Variants in CACNA1B observed in about 807,000 individuals in gnomAD.
CACNA1B encodes the protein voltage-dependent N-type calcium channel subunit alpha-1B.
A neutral mutation model predicts 247.2 loss-of-function variants in CACNA1B; 70 were observed. The observed-to-expected ratio is 0.28, with a 90% CI of 0.23 to 0.35. The LOEUF (loss-of-function observed/expected upper bound fraction) is 0.35. Among genes scored for constraint, CACNA1B ranks in the 10% least tolerant of loss-of-function variants. The pLI is 1.00. For synonymous variants in CACNA1B, 1,231 were observed against 1,294.4 expected, an observed-to-expected ratio of 0.95 and a Z score of 1.05; for missense variants, 2,367 against 3,197.4, an observed-to-expected ratio of 0.74 and a Z score of 6.26.
In CACNA1B at chr9:137,963,184, C is replaced by T. The variant is rs577366671; in HGVS notation, c.1333+5497C>T. Among the ~76,000 whole-genome samples, 3 of 152,274 alleles carry T rather than the reference C, an allele frequency of 2.0e-5. No homozygotes were observed. In the East Asian group the frequency reaches 5.8e-4, roughly 29 times the overall value. The stretch of plus-strand genomic sequence containing the variant: ...TTTGGTGATTTAACGTCTGTTTTGT[C>T]AGAAACTAGGATTGCAACCCCTACT... On this transcript the variant is annotated intron_variant, in intron 10 of 46. Transcript: ENST00000371372.
chr9:138,029,144 A>G (rs570056017), intron 20 of CACNA1B, among the ~76,000 whole-genome samples: 2 of 152,198 alleles, frequency 1.3e-5, no homozygotes, highest in Admixed American at 1.3e-4. Flanking sequence ...GTAATGAAAG[A>G]TATATATGTT....
At chr9:138,044,880 C>G (rs1959169953) in intron 21 of CACNA1B, among the ~76,000 whole-genome samples, 1 of 152,242 alleles carries the variant, frequency 6.6e-6, no homozygotes. Flanking sequence ...GGAGCTTACC[C>G]TGCTACGCTG....
At chr9:138,075,213 T>G (rs1432563422) in intron 34 of CACNA1B, among the ~76,000 whole-genome samples, 1 of 152,232 alleles carries the variant, frequency 6.6e-6, no homozygotes, top group African/African-American at 2.4e-5. Flanking sequence ...TTTGCAGAGA[T>G]CTGATGCTGT....
intron 39 of CACNA1B, among the ~76,000 whole-genome samples, chr9:138,108,308 CAAAAAAAAAA>C (rs935431476): frequency 1.4e-4 from 6 of 44,090 alleles, no homozygotes; most frequent in African/African-American, 4.6e-4. Context: ...AACCCCATCT[CAAAAAAAAAA>C]AAAAAAAAAA....
At chr9:138,038,305 T>G (rs1589084593) in intron 20 of CACNA1B, among the ~76,000 whole-genome samples, 1 of 152,334 alleles carries the variant, frequency 6.6e-6, no homozygotes, top group East Asian at 1.9e-4. Flanking sequence ...TTATCTGGTT[T>G]TCGTCTATGA....
intron 37 of CACNA1B, among the ~76,000 whole-genome samples, chr9:138,099,163 G>A (rs559967142): frequency 6.6e-6 from 1 of 152,372 alleles, no homozygotes; most frequent in South Asian, 2.1e-4. Context: ...GTACATGGCT[G>A]TGTTGTGTGC....
At chr9:137,961,675 A>C (rs1958022529) in intron 10 of CACNA1B, among the ~76,000 whole-genome samples, 1 of 152,108 alleles carries the variant, frequency 6.6e-6, no homozygotes, top group African/African-American at 2.4e-5. Context: ...ACATTTATTG[A>C]TTTGGGTATG....
chr9:137,941,777 C>T (rs569736385), intron 6 of CACNA1B, among the ~76,000 whole-genome samples: 1 of 152,296 alleles, frequency 6.6e-6, no homozygotes, highest in South Asian at 2.1e-4. Context: ...TGGCAAGCCA[C>T]ATGTAGGAGA....
At position 137,986,389 on chromosome 9, in the gene CACNA1B, C is replaced by T. The variant is rs1274002385; in HGVS notation, c.1770-24C>T. ...GTGAAGTCAGCGTCTGGAGCTGGCT[C>T]AGACCCCCTGCCTGGCCCCGCAGGT... On this transcript the variant is annotated intron_variant, in intron 13 of 46. Coordinates refer to ENST00000371372, the MANE Select transcript of CACNA1B (RefSeq NM_000718.4). The surrounding 1 kb of genome is among the most constrained non-coding windows in gnomAD (Gnocchi z 6.0). 6.2e-7 allele frequency: 1 copy of T among 1,612,516 alleles called. No homozygotes were observed. Among genetic ancestry groups the T allele is most frequent in the Non-Finnish European group, 8.5e-7 (1 of 1,179,342 alleles).
intron 40 of CACNA1B, among the ~76,000 whole-genome samples, chr9:138,113,665 T>C (rs1961744491): frequency 7.9e-6 from 1 of 127,358 alleles, no homozygotes; most frequent in Non-Finnish European, 1.7e-5. Context: ...CAACTCCTCC[T>C]TGTGGGAGAC....
At position 137,899,403 on chromosome 9, in the gene CACNA1B, C is replaced by G. The variant is rs571987532; in HGVS notation, c.531-13777C>G. 6.6e-6 allele frequency among the ~76,000 whole-genome samples: 1 copy of G among 152,264 alleles called. No individual in the cohort carries two copies. The highest frequency in any genetic ancestry group is 2.1e-4 in the South Asian group (1 of 4,828). The stretch of plus-strand genomic sequence containing the variant: ...TCTTAACCTCAGTTTCCTTCTCTTA[C>G]AAAGAACTGTGTAGTCTGCCAACTC... On this transcript the variant is annotated intron_variant, in intron 3 of 46. Coordinates refer to ENST00000371372, the MANE Select transcript of CACNA1B (RefSeq NM_000718.4). The surrounding 1 kb of genome is among the most constrained non-coding windows in gnomAD (Gnocchi z 5.0).
chr9:137,942,447 C>T (rs1957744040), intron 6 of CACNA1B, among the ~76,000 whole-genome samples: 1 of 152,174 alleles, frequency 6.6e-6, no homozygotes, highest in African/African-American at 2.4e-5. Context: ...GTAAAACTAC[C>T]ATTTGATCCA....
At chr9:138,104,461 C>G (rs1016193638) in intron 38 of CACNA1B, among the ~76,000 whole-genome samples, 2 of 152,264 alleles carry the variant, frequency 1.3e-5, no homozygotes, top group Non-Finnish European at 2.9e-5. Flanking sequence ...GGATGCCATT[C>G]TCCGGGAAGC....
rs191917468 is a variant in CACNA1B, at chr9:138,002,180, G to T, written c.1975-4587G>T. Among the ~76,000 whole-genome samples the T allele has an allele frequency of 5.3e-5, 8 of 152,224 alleles. No individual in the cohort carries two copies. The East Asian group carries it at 1.5e-3, about 29-fold the overall frequency. On this transcript the variant is annotated intron_variant, in intron 15 of 46. Coordinates refer to ENST00000371372, the MANE Select transcript of CACNA1B (RefSeq NM_000718.4). Reference sequence around the variant, plus strand: ...TATATGTAAAAATGAAATATCAAAAGAACAGACCAGAGAACCTGGAAACAT... The same window carrying T: ...TATATGTAAAAATGAAATATCAAAATAACAGACCAGAGAACCTGGAAACAT...
At chr9:137,927,397 A>G (rs1957563856) in intron 6 of CACNA1B, among the ~76,000 whole-genome samples, 1 of 151,862 alleles carries the variant, frequency 6.6e-6, no homozygotes, top group Non-Finnish European at 1.5e-5. Flanking sequence ...TAATTTTTGT[A>G]TTTTTAGTAG....
rs1201366146 is a variant in CACNA1B at position 138,059,669 on chromosome 9, G to T, written c.4600G>T (p.Ala1534Ser). 15 of 1,603,304 alleles carry T rather than the reference G, an allele frequency of 9.4e-6. No individual in the cohort carries two copies. Among genetic ancestry groups the T allele is most frequent in the Non-Finnish European group, 1.3e-5 (15 of 1,170,228 alleles). ...TTTTCTCTAGAACTATTTCAGAGATGCCTGGAATGTCTTTGACTTTGTCAC... is the reference window on the plus strand; with the variant it reads ...TTTTCTCTAGAACTATTTCAGAGATTCCTGGAATGTCTTTGACTTTGTCAC... ...AFGVLNYFRDAWNVFDFVTVL... is the reference protein window; with the variant it reads ...AFGVLNYFRDSWNVFDFVTVL... Residue 1534 changes from alanine (A) to serine (S), a missense_variant, in exon 31 of 47, where the codon GCC (alanine) becomes TCC (serine). Around this residue, in one of 12 missense-constraint regions of CACNA1B, gnomAD observed 436 missense variants for 679.5 expected, o/e 0.64. Transcript: ENST00000371372. The surrounding 1 kb of genome is among the most constrained non-coding windows in gnomAD (Gnocchi z 4.2).
chr9:137,951,106 G>A (rs1233548188), intron 6 of CACNA1B, among the ~76,000 whole-genome samples: 1 of 152,204 alleles, frequency 6.6e-6, no homozygotes, highest in Non-Finnish European at 1.5e-5. Context: ...GTGGGAAGTT[G>A]GTGGCTTTGG....
chr9:138,062,124 C>T (rs995109149), intron 31 of CACNA1B, among the ~76,000 whole-genome samples: 4 of 152,192 alleles, frequency 2.6e-5, no homozygotes, highest in Admixed American at 6.5e-5. Context: ...CTCACCTAGA[C>T]CTTGTTCCCT....
chr9:137,908,669 C>T (rs1054981305), intron 3 of CACNA1B, among the ~76,000 whole-genome samples: 2 of 151,992 alleles, frequency 1.3e-5, no homozygotes, highest in African/African-American at 4.8e-5. Flanking sequence ...CTTGCTCTGT[C>T]GCCCAGGCTT....
Sources: gnomAD v4.1 joint callset for allele counts (sites outside exome capture counted in the v4.1 genomes callset) on GRCh38, gnomAD v4.1.1 for gene constraint, gnomAD v4.1.1 regional missense constraint, Gnocchi (gnomAD v3.1) non-coding constraint, MANE v1.5 for transcripts, NCBI Gene and HGNC (gene_info 2026-07-23, HGNC 2026-07-21) for gene names.